Variants in TLR2 observed in about 807,000 individuals in gnomAD.
The protein encoded by TLR2 is toll like receptor 2.
In TLR2, 7 loss-of-function variants were observed where a neutral mutation model predicts 9.1. That is an observed-to-expected ratio of 0.77 (90% CI 0.44 to 1.44). The LOEUF (loss-of-function observed/expected upper bound fraction) is 1.44. Ranked by LOEUF, TLR2 falls within the 40% of genes most tolerant of loss-of-function variation. The probability of loss-of-function intolerance (pLI) is 0.01; values close to 1 mark genes in which losing one functional copy is unlikely to be tolerated. For synonymous variants in TLR2, 317 were observed against 344.6 expected (o/e 0.92, Z 0.89); for missense variants, 812 against 904.6 (o/e 0.90, Z 1.31).
rs762778324 is a variant in TLR2, at chr4:153,704,630, G to A, written c.1723G>A (p.Val575Ile). The A allele has an allele frequency of 6.2e-7, 1 of 1,613,508 alleles. No individual in the cohort carries two copies. The highest frequency in any genetic ancestry group is 8.5e-7 in the Non-Finnish European group (1 of 1,179,990). Residue 575 changes from valine (V) to isoleucine (I), a missense_variant, in exon 3 of 3, where the codon GTT becomes ATT. Coordinates refer to ENST00000642700, the MANE Select transcript of TLR2 (RefSeq NM_001318789.2). The stretch of plus-strand genomic sequence containing the variant: ...TCCATCCCATGTGCGTGGCCAGCAG[G>A]TTCAGGATGTCCGCCTCTCGGTGTC... ...DSPSHVRGQQ[V>I]QDVRLSVSEC... is the part of the protein sequence containing the mutation.
In TLR2 at chr4:153,705,125, A is replaced by G; in HGVS notation, c.2218A>G (p.Ile740Val). The change falls in exon 3 of 3, where the codon ATT (isoleucine) becomes GTT (valine). Residue 740 changes from isoleucine (I) to valine (V), a missense_variant. Physicochemically the swap from Ile to Val is conservative, Grantham distance 29. Coordinates refer to ENST00000642700, the MANE Select transcript of TLR2 (RefSeq NM_001318789.2). ...TGCCATTCTCATTCTTCTGGAGCCC[A>G]TTGAGAAAAAAGCCATTCCCCAGCG... ...DAAILILLEP[I>V]EKKAIPQRFC... 8 of 1,614,172 alleles carry G rather than the reference A, an allele frequency of 5.0e-6. No homozygotes were observed. The highest frequency in any genetic ancestry group is 6.8e-6 in the Non-Finnish European group (8 of 1,180,040).
chr4:153,706,904 G>A (rs1737348994), downstream of TLR2, among the ~76,000 whole-genome samples: 1 of 152,176 alleles, frequency 6.6e-6, no homozygotes, highest in East Asian at 1.9e-4. Context: ...TAAACCATGA[G>A]CCTAAGCTCC....
At chr4:153,700,727 C>T (rs752443925) in intron 2 of TLR2, among the ~76,000 whole-genome samples, 2 of 152,118 alleles carry the variant, frequency 1.3e-5, no homozygotes, top group African/African-American at 2.4e-5. Flanking sequence ...ATTTGAAATA[C>T]ATCTATCACC....
Position 153,700,223 on chromosome 4 carries a change from G to A in TLR2, c.-16-2669G>A, listed in dbSNP as rs77890229. ...AGGGGTATACCTTCATGACCCAAAC[G>A]CTTTCCACCAGGTCCTACCTTCAAC... is the stretch of plus-strand genomic sequence containing the variant. On this transcript the variant is annotated intron_variant, in intron 2 of 2. Coordinates refer to ENST00000642700, the MANE Select transcript of TLR2 (RefSeq NM_001318789.2). Among the ~76,000 whole-genome samples the A allele has an allele frequency of 5.0e-3, 761 of 152,182 alleles. 7 individuals carry two copies. Among genetic ancestry groups the A allele is most frequent in the African/African-American group, 0.018 (730 of 41,508 alleles).
At position 153,703,684 on chromosome 4, in the gene TLR2, G is replaced by A. The variant is rs780498799; in HGVS notation, c.777G>A (p.Val259=). Residue 259 remains valine (V), a synonymous_variant, in exon 3 of 3, where the codon GTG becomes GTA. Coordinates refer to ENST00000642700, the MANE Select transcript of TLR2 (RefSeq NM_001318789.2). ...TTAAAAAGTTTACATTTAGAAATGT[G>A]AAAATCACCGATGAAAGTTTGTTTC... is the stretch of plus-strand genomic sequence containing the variant. ...SLIKKFTFRN[V]KITDESLFQV... is the part of the protein sequence containing the mutation. The A allele has an allele frequency of 6.2e-7, 1 of 1,612,886 alleles. No individual in the cohort carries two copies. Among genetic ancestry groups the A allele is most frequent in the Non-Finnish European group, 8.5e-7 (1 of 1,179,722 alleles).
intron 2 of TLR2, chr4:153,688,729 G>C (rs1053022350): frequency 1.4e-4 from 22 of 161,630 alleles, no homozygotes; most frequent in South Asian, 1.6e-4. Flanking sequence ...GGGTGGGCCA[G>C]GTGTTCCTTG....
Position 153,687,923 on chromosome 4 carries a change from G to C in TLR2, c.-141G>C, listed in dbSNP as rs1226872366. 1.3e-5 allele frequency: 2 copies of C among 152,112 alleles called. No individual in the cohort carries two copies. The highest frequency in any genetic ancestry group is 2.9e-5 in the Non-Finnish European group (2 of 68,028). The allele number at this position is 152,112 out of a possible 1,614,324, so 9.4% of individuals were successfully genotyped here. A position where few individuals can be genotyped will look rare whatever the true frequency, so the allele number is the denominator to read the frequency against. On this transcript the variant is annotated 5_prime_UTR_variant, in exon 2 of 3. Coordinates refer to ENST00000642700, the MANE Select transcript of TLR2 (RefSeq NM_001318789.2). ...GAAGTTTCTCTTTTAACAGTGTTTG[G>C]TGTTGCAAGCAGGATCCAAAGGAGA...
At position 153,705,298 on chromosome 4, in the gene TLR2, G is replaced by A. The variant is rs1426479017; in HGVS notation, c.*36G>A. The A allele has an allele frequency of 6.6e-7, 1 of 1,508,742 alleles. No homozygotes were observed. Among genetic ancestry groups the A allele is most frequent in the South Asian group, 1.4e-5 (1 of 73,612 alleles). The allele number at this position is 1,508,742 out of a possible 1,614,324, so 93.5% of individuals were successfully genotyped here. A position where few individuals can be genotyped will look rare whatever the true frequency, so the allele number is the denominator to read the frequency against. On this transcript the variant is annotated 3_prime_UTR_variant, in exon 3 of 3. Coordinates refer to ENST00000642700, the MANE Select transcript of TLR2 (RefSeq NM_001318789.2). The stretch of plus-strand genomic sequence containing the variant: ...TTAAGACCAGTCTTTGTCTAGTTGG[G>A]ATCTTTATGTCACTAGTTATAGTTA...
chr4:153,700,144 T>C (rs1377006244), intron 2 of TLR2, among the ~76,000 whole-genome samples: 1 of 152,052 alleles, frequency 6.6e-6, no homozygotes, highest in Non-Finnish European at 1.5e-5. Flanking sequence ...TGAAATCCTG[T>C]GAACAGAGTG....
chr4:153,703,144 G>C lies in TLR2; in HGVS notation c.237G>C (p.Gln79His), dbSNP rs1411501989. 3.7e-6 allele frequency: 6 copies of C among 1,614,138 alleles called. No homozygotes were observed. ...NSDLQRCVNL[Q>H]ALVLTSNGIN... ...ACCTACAGAGGTGTGTGAACCTCCAGGCTCTGGTGCTGACATCCAATGGAA... is the reference window on the plus strand; with the variant it reads ...ACCTACAGAGGTGTGTGAACCTCCACGCTCTGGTGCTGACATCCAATGGAA... Residue 79 changes from glutamine (Q) to histidine (H), a missense_variant, in exon 3 of 3, where the codon CAG (glutamine) becomes CAC (histidine). Coordinates refer to ENST00000642700, the MANE Select transcript of TLR2 (RefSeq NM_001318789.2).
chr4:153,697,123 A>G (rs1424933658), intron 2 of TLR2, among the ~76,000 whole-genome samples: 1 of 152,184 alleles, frequency 6.6e-6, no homozygotes, highest in African/African-American at 2.4e-5. Context: ...GTTGTGGGAT[A>G]GGAATCCTGG....
At chr4:153,699,075 T>C (rs1007255181) in intron 2 of TLR2, among the ~76,000 whole-genome samples, 5 of 152,206 alleles carry the variant, frequency 3.3e-5, no homozygotes, top group African/African-American at 4.8e-5. Flanking sequence ...AATTCTCTAA[T>C]TGTTGGTAGC....
At chr4:153,695,728 G>C (rs1736445493) in intron 2 of TLR2, among the ~76,000 whole-genome samples, 1 of 152,036 alleles carries the variant, frequency 6.6e-6, no homozygotes, top group Non-Finnish European at 1.5e-5. Context: ...ATGCTTGTGG[G>C]GTATGACTTA....
chr4:153,692,253 C>T (rs765046590), intron 2 of TLR2, among the ~76,000 whole-genome samples: 49 of 152,130 alleles, frequency 3.2e-4, no homozygotes, highest in Admixed American at 2.0e-4. Flanking sequence ...AAGGCAGTCC[C>T]GGCTGCAATG....
intron 2 of TLR2, among the ~76,000 whole-genome samples, chr4:153,694,079 C>A (rs1202373016): frequency 1.3e-5 from 2 of 152,196 alleles, no homozygotes; most frequent in Non-Finnish European, 2.9e-5. Context: ...TTATTGACAG[C>A]AAGCCGGTGA....
chr4:153,692,311 A>G (rs549542194), intron 2 of TLR2, among the ~76,000 whole-genome samples: 1 of 152,320 alleles, frequency 6.6e-6, no homozygotes, highest in African/African-American at 2.4e-5. Context: ...GTCAGTTAAC[A>G]TTCTGCATTT....
chr4:153,703,913 G>A lies in TLR2; in HGVS notation c.1006G>A (p.Glu336Lys), dbSNP rs749385642. The change falls in exon 3 of 3, where the codon GAA becomes AAA. Residue 336 changes from glutamate (E) to lysine (K), a missense_variant. Glu to Lys is a moderately conservative substitution (Grantham distance 56). Transcript: ENST00000642700. ...YDLSTLYSLT[E>K]RVKRITVENS... ...TCTGAGCACTTTATATTCACTTACA[G>A]AAAGAGTTAAAAGAATCACAGTAGA... 30 of 1,613,466 alleles carry A rather than the reference G, an allele frequency of 1.9e-5. No homozygotes were observed. In the East Asian group the frequency reaches 5.3e-4, roughly 29 times the overall value.
chr4:153,692,645 T>C (rs907229128), intron 2 of TLR2, among the ~76,000 whole-genome samples: 4 of 152,174 alleles, frequency 2.6e-5, no homozygotes, highest in African/African-American at 9.7e-5. Context: ...TCATGCATCA[T>C]ATGTTGACTT....
At position 153,706,105 on chromosome 4, in the gene TLR2, ATT is replaced by A. The variant is rs2127073951; in HGVS notation, c.*846_*847del. 6.6e-6 allele frequency among the ~76,000 whole-genome samples: 1 copy of A among 152,262 alleles called. No individual in the cohort carries two copies. Among genetic ancestry groups the A allele is most frequent in the Non-Finnish European group, 1.5e-5 (1 of 68,010 alleles). ...CAGGATGAGAAATACTAGAGGGTGTATTTTCATGTGATCTGGATCTGTCTTTC... is the reference window on the plus strand; with the variant it reads ...CAGGATGAGAAATACTAGAGGGTGTATTCATGTGATCTGGATCTGTCTTTC... On this transcript the variant is annotated 3_prime_UTR_variant, in exon 3 of 3. Transcript: ENST00000642700.
Sources: gnomAD v4.1 joint callset for allele counts (sites outside exome capture counted in the v4.1 genomes callset) on GRCh38, gnomAD v4.1.1 for gene constraint, MANE v1.5 for transcripts, NCBI Gene and HGNC (gene_info 2026-07-23, HGNC 2026-07-21) for gene names.